The following SLX9 variants were observed in gnomAD, a reference collection of about 807,000 sequenced individuals.
SLX9 encodes ribosome biogenesis protein SLX9 homolog.
A neutral mutation model predicts 20.8 loss-of-function variants in SLX9; 19 were observed. That is an observed-to-expected ratio of 0.91 (90% CI 0.64 to 1.34). The LOEUF (loss-of-function observed/expected upper bound fraction) is 1.34. Ranked by LOEUF, SLX9 falls within the 40% of genes most tolerant of loss-of-function variation. SLX9 has a pLI of 0.00. For synonymous variants in SLX9, 113 were observed against 137.1 expected (o/e 0.82, Z 1.23); for missense variants, 299 against 322.2 (o/e 0.93, Z 0.55).
rs546155836 is a variant in SLX9 at position 44,954,456 on chromosome 21, C to T, written c.284-5644C>T. 9.3e-4 allele frequency among the ~76,000 whole-genome samples: 142 copies of T among 152,260 alleles called. 1 individual carries two copies. The South Asian group carries it at 0.029, about 31-fold the overall frequency. ...TGTTGGCTGGAGGGTGGGGGCTGCC[C>T]GATGCAGCACTTTGGGAGCTCCGGC... is the stretch of plus-strand genomic sequence containing the variant. On this transcript the variant is annotated intron_variant, in intron 2 of 5. Coordinates refer to ENST00000291634, the MANE Select transcript of SLX9 (RefSeq NM_058190.4).
At chr21:44,969,158 G>A (rs1372144111) in intron 4 of SLX9, 2 of 470,680 alleles carry the variant, frequency 4.2e-6, no homozygotes, top group East Asian at 1.4e-4. Context: ...TCCTTTCATG[G>A]CCCAGCTGCC....
chr21:44,976,159 C>G lies in SLX9; in HGVS notation c.570-521C>G, dbSNP rs908731978. On this transcript the variant is annotated intron_variant, in intron 5 of 5. Coordinates refer to ENST00000291634, the MANE Select transcript of SLX9 (RefSeq NM_058190.4). ...GGCTGCGCGGGGTTTAGAGCAGGAG[C>G]TGAGTGGCCGCCGGGCTGGGTGGCG... 4.6e-5 allele frequency among the ~76,000 whole-genome samples: 7 copies of G among 152,380 alleles called. No homozygotes were observed. The East Asian group carries it at 5.8e-4, about 13-fold the overall frequency.
intron 3 of SLX9, among the ~76,000 whole-genome samples, chr21:44,960,985 A>G (rs928534835): frequency 3.9e-5 from 6 of 152,180 alleles, no homozygotes; most frequent in African/African-American, 9.7e-5. Flanking sequence ...TTTAAAGAAA[A>G]TGTATGTTTT....
At position 44,960,081 on chromosome 21, in the gene SLX9, C is replaced by T; in HGVS notation, c.284-19C>T. 1 of 1,613,802 alleles carries T rather than the reference C, an allele frequency of 6.2e-7. No individual in the cohort carries two copies. The highest frequency in any genetic ancestry group is 8.5e-7 in the Non-Finnish European group (1 of 1,179,672). On this transcript the variant is annotated intron_variant, in intron 2 of 5. Transcript: ENST00000291634. ...CCACCTGGACACGTTTTGCTCACTC[C>T]CGTGTTCTCTTTCCTCAGGTGCAGA... is the stretch of plus-strand genomic sequence containing the variant.
chr21:44,972,395 G>C (rs1393293416), intron 4 of SLX9, among the ~76,000 whole-genome samples: 1 of 152,188 alleles, frequency 6.6e-6, no homozygotes, highest in African/African-American at 2.4e-5. Context: ...GAGCCTGCCT[G>C]GGGTGGACGT....
intron 2 of SLX9, among the ~76,000 whole-genome samples, chr21:44,952,545 G>A (rs957701942): frequency 6.6e-6 from 1 of 152,214 alleles, no homozygotes; most frequent in African/African-American, 2.4e-5. Context: ...CTTCAGGACC[G>A]CCCTCCCATG....
chr21:44,966,351 G>A (rs1247732549), intron 3 of SLX9, among the ~76,000 whole-genome samples: 2 of 152,190 alleles, frequency 1.3e-5, no homozygotes, highest in African/African-American at 2.4e-5. Context: ...GGCCTGTCCC[G>A]GTGGGTTGCC....
chr21:44,973,509 A>G (rs28428489), intron 5 of SLX9, among the ~76,000 whole-genome samples: 2,949 of 15,544 alleles, frequency 0.19, 153 homozygotes, highest in African/African-American at 0.41. Flanking sequence ...CTCTCCAGGG[A>G]TTCAGCTCCT....
At chr21:44,965,747 G>A (rs1054133526) in intron 3 of SLX9, among the ~76,000 whole-genome samples, 1 of 152,124 alleles carries the variant, frequency 6.6e-6, no homozygotes, top group Non-Finnish European at 1.5e-5. Flanking sequence ...GCTTGCTGAG[G>A]TGCGGGCCTT....
rs1363342966 is a variant in SLX9 at position 44,976,750 on chromosome 21, A to G, written c.640A>G (p.Ile214Val). 6 of 1,561,256 alleles carry G rather than the reference A, an allele frequency of 3.8e-6. No individual in the cohort carries two copies. The East Asian group carries it at 7.1e-5, about 19-fold the overall frequency. Residue 214 changes from isoleucine to valine, a missense_variant, in exon 6 of 6, where the codon ATC (isoleucine) becomes GTC (valine). Transcript: ENST00000291634. ...CTACAGAGCCAGCCCCCTGGTGGCC[A>G]TCGGGCAGACGCTGGCCCGGCAGAT... ...PAYRASPLVAIGQTLARQMQL... is the reference protein window; with the variant it reads ...PAYRASPLVAVGQTLARQMQL...
chr21:44,940,088 G>A lies in SLX9; in HGVS notation c.31G>A (p.Val11Met). ...GAAAGTGAGGGGGTTGCGCGCCCGA[G>A]TGCACCAGGCTGCCGTGAGGCCGAA... Reference protein sequence around the residue: MGKVRGLRARVHQAAVRPKGE... With the variant: MGKVRGLRARMHQAAVRPKGE... Residue 11 changes from valine to methionine, a missense_variant, in exon 1 of 6, where the codon GTG (valine) becomes ATG (methionine). Val to Met is a conservative substitution (Grantham distance 21). Coordinates refer to ENST00000291634, the MANE Select transcript of SLX9 (RefSeq NM_058190.4). 3 of 1,458,144 alleles carry A rather than the reference G, an allele frequency of 2.1e-6. No homozygotes were observed. Among genetic ancestry groups the A allele is most frequent in the East Asian group, 3.0e-5 (1 of 33,816 alleles). The allele number at this position is 1,458,144 out of a possible 1,614,324, so 90.3% of individuals were successfully genotyped here. A position where few individuals can be genotyped will look rare whatever the true frequency, so the allele number is the denominator to read the frequency against.
chr21:44,943,496 C>G (rs1032370597), intron 1 of SLX9, among the ~76,000 whole-genome samples, 188 bp from the exon 2 acceptor site: 1 of 152,162 alleles, frequency 6.6e-6, no homozygotes, highest in African/African-American at 2.4e-5. Flanking sequence ...CGGGTCTGCC[C>G]TGGAGCTCTG....
upstream of SLX9, chr21:44,940,002 A>G (rs1381174297): frequency 1.5e-6 from 2 of 1,371,290 alleles, no homozygotes; most frequent in Non-Finnish European, 1.9e-6. Context: ...GGCGGCGAGA[A>G]CGCAGGACCA....
At position 44,957,562 on chromosome 21, in the gene SLX9, C is replaced by T. The variant is rs557465575; in HGVS notation, c.284-2538C>T. Among the ~76,000 whole-genome samples, 4 of 152,336 alleles carry T rather than the reference C, an allele frequency of 2.6e-5. No homozygotes were observed. The East Asian group carries it at 7.7e-4, about 29-fold the overall frequency. On this transcript the variant is annotated intron_variant, in intron 2 of 5. Coordinates refer to ENST00000291634, the MANE Select transcript of SLX9 (RefSeq NM_058190.4). ...CCTGGATACCACCGGGTCCCAGGAC[C>T]CAGATCGCAGGAGCCACCTCATGCC...
chr21:44,954,159 G>C (rs2084811579), intron 2 of SLX9, among the ~76,000 whole-genome samples: 2 of 152,266 alleles, frequency 1.3e-5, no homozygotes, highest in South Asian at 4.1e-4. Context: ...AGTGTGCCAG[G>C]AGCCTGCTGC....
intron 5 of SLX9, among the ~76,000 whole-genome samples, chr21:44,975,613 G>A (rs1037839611): frequency 3.3e-5 from 5 of 152,260 alleles, no homozygotes; most frequent in African/African-American, 1.2e-4. Context: ...CCTTCCCCTG[G>A]CCTCGGCTCC....
chr21:44,972,055 A>T (rs951292816), intron 4 of SLX9, among the ~76,000 whole-genome samples: 1 of 152,212 alleles, frequency 6.6e-6, no homozygotes, highest in Admixed American at 6.5e-5. Flanking sequence ...TTGGGCAGAC[A>T]CAAAATGTCT....
At position 44,943,825 on chromosome 21, in the gene SLX9, T is replaced by C. The variant is rs760999581; in HGVS notation, c.271T>C (p.Ser91Pro). ...AGGCTCGAGTGCACGGAGCGTCCCT[T>C]CCATCAGGAGAGGTGAGGCAGGCTC... is the stretch of plus-strand genomic sequence containing the variant. ...EAGSSARSVP[S>P]IRRGAEAKTV... The change falls in exon 2 of 6, where the codon TCC (serine) becomes CCC (proline). Residue 91 changes from serine to proline, a missense_variant. Physicochemically the swap from Ser to Pro is moderately conservative, Grantham distance 74. Transcript: ENST00000291634. The C allele has an allele frequency of 2.5e-6, 4 of 1,613,048 alleles. No individual in the cohort carries two copies. The highest frequency in any genetic ancestry group is 3.3e-5 in the Admixed American group (2 of 60,004).
At chr21:44,954,058 C>T (rs962499283) in intron 2 of SLX9, among the ~76,000 whole-genome samples, 8 of 152,164 alleles carry the variant, frequency 5.3e-5, no homozygotes, top group East Asian at 3.8e-4. Context: ...ACGCTGCTCC[C>T]GGGGCACATG....
Sources: allele counts gnomAD v4.1 joint callset (sites outside exome capture counted in the v4.1 genomes callset), GRCh38; gene constraint gnomAD v4.1.1; transcripts MANE v1.5; gene names NCBI Gene and HGNC (gene_info 2026-07-23, HGNC 2026-07-21).